CCDC3: variants seen among roughly 807,000 people sequenced by gnomAD.
CCDC3 encodes coiled-coil domain-containing protein 3.
In CCDC3, 24 loss-of-function variants were observed where a neutral mutation model predicts 21.4. The observed-to-expected ratio is 1.12, with a 90% CI of 0.81 to 1.58. The LOEUF is 1.58. Among genes scored for constraint, CCDC3 ranks in the 40% most tolerant of loss-of-function variants. CCDC3 has a pLI of 0.00. For missense variants in CCDC3, 425 were observed against 360.9 expected, an observed-to-expected ratio of 1.18 and a Z score of -1.44; for synonymous variants, 186 against 166.0, an observed-to-expected ratio of 1.12 and a Z score of -0.93.
At chr10:12,908,612 C>CT (rs764071462) in intron 2 of CCDC3, among the ~76,000 whole-genome samples, 40,163 of 139,232 alleles carry the variant, frequency 0.29, 5,957 homozygotes, top group Admixed American at 0.38. Flanking sequence ...TGTGATTTTT[C>CT]TTTTTTTTTT....
intron 2 of CCDC3, among the ~76,000 whole-genome samples, chr10:12,940,492 A>C (rs1834811388): frequency 6.6e-6 from 1 of 152,164 alleles, no homozygotes. Context: ...AAAGGAAGAA[A>C]ATCAGGGAGG....
intron 3 of CCDC3, among the ~76,000 whole-genome samples, chr10:13,091,321 T>C (rs1832565586): frequency 6.6e-6 from 1 of 152,088 alleles, no homozygotes; most frequent in Admixed American, 6.6e-5. Flanking sequence ...GGGGGGTGAT[T>C]AGGTCATGAG....
At chr10:13,001,752 G>T (rs1835860611), upstream of CCDC3, 1 of 277,090 alleles carries the variant, frequency 3.6e-6, no homozygotes, top group Non-Finnish European at 5.6e-6. Flanking sequence ...AGGGTCCCGG[G>T]GACTGGACGC....
At chr10:13,078,667 A>G (rs1249264795) in intron 3 of CCDC3, among the ~76,000 whole-genome samples, 1 of 152,218 alleles carries the variant, frequency 6.6e-6, no homozygotes, top group East Asian at 1.9e-4. Context: ...ACACCCTGGA[A>G]TACTATGCAG....
chr10:12,955,182 C>G (rs2131251866), intron 2 of CCDC3, among the ~76,000 whole-genome samples: 1 of 152,322 alleles, frequency 6.6e-6, no homozygotes, highest in East Asian at 1.9e-4. Context: ...AGTGATGAAT[C>G]ACACAAAATT....
At chr10:12,984,981 G>A (rs1835564292) in intron 2 of CCDC3, among the ~76,000 whole-genome samples, 2 of 152,182 alleles carry the variant, frequency 1.3e-5, no homozygotes, top group African/African-American at 4.8e-5. Flanking sequence ...TAAAAGTGGT[G>A]ACGGTTACAC....
intron 5 of CCDC3, among the ~76,000 whole-genome samples, chr10:13,012,554 T>C (rs182059603): frequency 2.4e-3 from 369 of 151,926 alleles, no homozygotes; most frequent in South Asian, 7.5e-3. Context: ...GCTGGCAAGG[T>C]TGTAGAGAAA....
At chr10:13,079,166 G>A (rs2782272) in intron 3 of CCDC3, among the ~76,000 whole-genome samples, 2,272 of 152,320 alleles carry the variant, frequency 0.015, 62 homozygotes, top group African/African-American at 0.053. Flanking sequence ...CAAGGAACAA[G>A]CATTCTGTTT....
Position 12,915,390 on chromosome 10 carries a change from A to G in CCDC3, c.550-16711T>C, listed in dbSNP as rs372784372. Among the ~76,000 whole-genome samples the G allele has an allele frequency of 1.4e-4, 21 of 152,214 alleles. No individual in the cohort carries two copies. In the South Asian group the frequency reaches 3.9e-3, roughly 29 times the overall value. On this transcript the variant is annotated intron_variant, in intron 2 of 2. Coordinates refer to ENST00000378825, the MANE Select transcript of CCDC3 (RefSeq NM_031455.4). ...GTCATTCATTTTCCTGATTGGTTCAATTGTTTTTCTGCATTTTGCAGGGTG... is the reference window on the plus strand; with the variant it reads ...GTCATTCATTTTCCTGATTGGTTCAGTTGTTTTTCTGCATTTTGCAGGGTG...
intron 2 of CCDC3, among the ~76,000 whole-genome samples, chr10:12,992,655 AG>A (rs1484007487): frequency 1.3e-5 from 2 of 152,042 alleles, no homozygotes; most frequent in Non-Finnish European, 2.9e-5. Flanking sequence ...CTCGGTGGGA[AG>A]GGTGGGAGAG....
chr10:12,971,540 C>T (rs1835343668), intron 2 of CCDC3, among the ~76,000 whole-genome samples: 1 of 152,172 alleles, frequency 6.6e-6, no homozygotes, highest in Non-Finnish European at 1.5e-5. Context: ...GGCACTGCTA[C>T]CCTATTGTCC....
At chr10:12,932,102 A>C (rs1422098933) in intron 2 of CCDC3, among the ~76,000 whole-genome samples, 1 of 152,102 alleles carries the variant, frequency 6.6e-6, no homozygotes, top group Non-Finnish European at 1.5e-5. Context: ...CTTTCTTCAG[A>C]GTTTTGTAGT....
chr10:12,913,058 C>T (rs1441204033), intron 2 of CCDC3, among the ~76,000 whole-genome samples: 1 of 152,136 alleles, frequency 6.6e-6, no homozygotes, highest in African/African-American at 2.4e-5. Context: ...TTTTTCCCCT[C>T]AAGATTCCTT....
chr10:13,046,176 C>T (rs144503701), intron 5 of CCDC3, among the ~76,000 whole-genome samples: 18 of 151,490 alleles, frequency 1.2e-4, no homozygotes, highest in African/African-American at 4.4e-4. Flanking sequence ...GAGGCCAAGG[C>T]AGGAGGATTG....
At chr10:12,972,121 A>G (rs114899966) in intron 2 of CCDC3, among the ~76,000 whole-genome samples, 1 of 152,174 alleles carries the variant, frequency 6.6e-6, no homozygotes, top group African/African-American at 2.4e-5. Context: ...ACAGTAACTC[A>G]CTATCAAACC....
chr10:12,996,483 G>A (rs1286516258), intron 2 of CCDC3, among the ~76,000 whole-genome samples: 4 of 152,058 alleles, frequency 2.6e-5, no homozygotes, highest in East Asian at 3.9e-4. Flanking sequence ...TTAGAAGCAC[G>A]CACCACTCTG....
intron 2 of CCDC3, among the ~76,000 whole-genome samples, chr10:12,934,830 G>A (rs1204427169): frequency 6.6e-6 from 1 of 152,088 alleles, no homozygotes; most frequent in African/African-American, 2.4e-5. Flanking sequence ...ACAGGGCCTT[G>A]CTCTGTTGCC....
chr10:13,059,647 G>GT (rs1836729164), intron 4 of CCDC3, among the ~76,000 whole-genome samples: 2 of 151,700 alleles, frequency 1.3e-5, no homozygotes, highest in Admixed American at 6.6e-5. Context: ...AATTACTGAA[G>GT]GTTTTTTTTC....
chr10:12,968,289 A>G (rs1216082283), intron 2 of CCDC3, among the ~76,000 whole-genome samples: 3 of 152,166 alleles, frequency 2.0e-5, no homozygotes, highest in African/African-American at 7.2e-5. Flanking sequence ...CAATAAGGCT[A>G]GTGGCAGATT....
Sources: allele counts gnomAD v4.1 joint callset (sites outside exome capture counted in the v4.1 genomes callset), GRCh38; gene constraint gnomAD v4.1.1; transcripts MANE v1.5; gene names NCBI Gene and HGNC (gene_info 2026-07-23, HGNC 2026-07-21).